The following RIMBP2 variants were observed in gnomAD, a reference collection of about 807,000 sequenced individuals.
RIMBP2 encodes RIMS-binding protein 2.
Under a neutral mutation model 118.6 loss-of-function variants are expected in RIMBP2, and 48 were observed. The observed-to-expected ratio is 0.40, with a 90% confidence interval of 0.32 to 0.51. The LOEUF (loss-of-function observed/expected upper bound fraction) is 0.51, where lower values mean the gene tolerates loss of function less well. Ranked by LOEUF, RIMBP2 falls within the 20% of genes least tolerant of loss-of-function variation. The probability of loss-of-function intolerance (pLI) is 0.41; values close to 1 mark genes in which losing one functional copy is unlikely to be tolerated. For missense variants in RIMBP2, 1,551 were observed against 1,768.3 expected (o/e 0.88, Z 2.20); for synonymous variants, 762 against 742.9 (o/e 1.03, Z -0.42).
chr12:130,522,757 G>A (rs534718115), intron 2 of RIMBP2, among the ~76,000 whole-genome samples: 3 of 152,190 alleles, frequency 2.0e-5, no homozygotes, highest in South Asian at 2.1e-4. Flanking sequence ...CACAGTGCCT[G>A]AGGCTGTCTC....
chr12:130,478,882 G>A (rs556146836), intron 5 of RIMBP2, 30 bp downstream of exon 5: 21 of 1,559,482 alleles, frequency 1.3e-5, no homozygotes, highest in East Asian at 1.1e-4. Context: ...TCCCTGCCTC[G>A]CACGCCGCGC....
Position 130,456,611 on chromosome 12 carries a change from G to T in RIMBP2, c.243C>A (p.His81Gln). Residue 81 changes from histidine (H) to glutamine (Q), a missense_variant, in exon 7 of 23, where the codon CAC becomes CAA. Coordinates refer to ENST00000690449, the MANE Select transcript of RIMBP2 (RefSeq NM_001393629.1). ...CACCCAGCAGGTCAATCTTGCCAGC[G>T]TGCTGCCGGAACTTCTCCAGGTCCC... is the stretch of plus-strand genomic sequence containing the variant. ...LSRDLEKFRQHAGKIDLLGGS... is the reference protein window; with the variant it reads ...LSRDLEKFRQQAGKIDLLGGS... 2 of 1,613,700 alleles carry T rather than the reference G, an allele frequency of 1.2e-6. No homozygotes were observed. Among genetic ancestry groups the T allele is most frequent in the East Asian group, 2.2e-5 (1 of 44,878 alleles).
chr12:130,665,023 G>A (rs994585392), intron 1 of RIMBP2, among the ~76,000 whole-genome samples: 7 of 151,658 alleles, frequency 4.6e-5, no homozygotes, highest in East Asian at 1.9e-4. Context: ...GCTGGAGTCC[G>A]ACGAGGAACC....
At chr12:130,479,625 G>A (rs945880120) in intron 4 of RIMBP2, among the ~76,000 whole-genome samples, 3 of 133,290 alleles carry the variant, frequency 2.3e-5, no homozygotes, top group African/African-American at 7.5e-5. Flanking sequence ...GGCCGAGTCC[G>A]CACCCTCCCG....
At chr12:130,524,732 C>T (rs1161359306) in intron 2 of RIMBP2, among the ~76,000 whole-genome samples, 1 of 152,166 alleles carries the variant, frequency 6.6e-6, no homozygotes, top group African/African-American at 2.4e-5. Flanking sequence ...AATTTGCACT[C>T]ATTTAGGGGA....
At chr12:130,653,444 G>A (rs2063306923) in intron 1 of RIMBP2, among the ~76,000 whole-genome samples, 1 of 152,264 alleles carries the variant, frequency 6.6e-6, no homozygotes, top group African/African-American at 2.4e-5. Context: ...TGGCTTTGCA[G>A]GGTGCAGCTC....
At chr12:130,438,334 A>ATCCGGGGGGGGGCCCCCCCCCCC in intron 12 of RIMBP2, 31 bp downstream of exon 12, 2 of 1,344,518 alleles carry the variant, frequency 1.5e-6, no homozygotes, top group Non-Finnish European at 2.1e-6. Flanking sequence ...GGGCCTAACA[A>ATCCGGGGGGGGGCCCCCCCCCCC]ACCCTCCCCA....
At chr12:130,409,619 A>T (rs2032279510) in intron 19 of RIMBP2, among the ~76,000 whole-genome samples, 1 of 152,104 alleles carries the variant, frequency 6.6e-6, no homozygotes. Flanking sequence ...CTGGGATTAC[A>T]GGCGTGAGCC....
intron 2 of RIMBP2, among the ~76,000 whole-genome samples, chr12:130,556,194 A>G (rs891168715): frequency 2.0e-5 from 3 of 152,088 alleles, no homozygotes; most frequent in African/African-American, 7.2e-5. Context: ...CAGCAGGCCC[A>G]CCCTGGCAAC....
intron 1 of RIMBP2, among the ~76,000 whole-genome samples, chr12:130,649,102 C>T (rs954655675): frequency 1.4e-5 from 2 of 145,824 alleles, no homozygotes; most frequent in Non-Finnish European, 3.1e-5. Flanking sequence ...TCGTGGCGGC[C>T]GATAGGCTCA....
At chr12:130,699,171 A>G (rs911857535) in intron 1 of RIMBP2, among the ~76,000 whole-genome samples, 10 of 152,186 alleles carry the variant, frequency 6.6e-5, no homozygotes, top group Admixed American at 1.3e-4. Context: ...TCAGTGTGGC[A>G]ATTCCTCAGG....
At chr12:130,516,455 A>T (rs1409362313) in intron 3 of RIMBP2, among the ~76,000 whole-genome samples, 3 of 152,240 alleles carry the variant, frequency 2.0e-5, no homozygotes, top group African/African-American at 7.2e-5. Flanking sequence ...AGACAAACAC[A>T]TAAGTGAAGA....
Position 130,618,741 on chromosome 12 carries a change from ATAATCT to A in RIMBP2, c.-217+9575_-217+9580del, listed in dbSNP as rs1047029067. 2.0e-5 allele frequency among the ~76,000 whole-genome samples: 3 copies of A among 152,328 alleles called. No homozygotes were observed. In the South Asian group the frequency reaches 6.2e-4, roughly 32 times the overall value. ...ACATCTTTATAGCTCTGTAATGTAA[ATAATCT>A]TAAAGTCAAAATTTCAACAACATAA... On this transcript the variant is annotated intron_variant, in intron 2 of 22. Transcript: ENST00000690449.
chr12:130,424,534 C>T lies in RIMBP2; in HGVS notation c.2737G>A (p.Ala913Thr). The change falls in exon 16 of 23, where the codon GCC becomes ACC. Residue 913 changes from alanine to threonine, a missense_variant. Coordinates refer to ENST00000690449, the MANE Select transcript of RIMBP2 (RefSeq NM_001393629.1). This position sits in a 1 kb window ranked among gnomAD's most constrained non-coding sequence, Gnocchi z 9.8. ...EDRGCRFSRS[A>T]TRSPDSGLDC... ...AGGCCGCTGTCCGGGCTCCGGGTGG[C>T]CGAGCGGCTGAACCGACAGCCCCTG... is the stretch of plus-strand genomic sequence containing the variant. 8.1e-7 allele frequency: 1 copy of T among 1,231,990 alleles called. No homozygotes were observed. Among genetic ancestry groups the T allele is most frequent in the Non-Finnish European group, 1.0e-6 (1 of 987,832 alleles). The allele number at this position is 1,231,990 out of a possible 1,614,324, so 76.3% of individuals were successfully genotyped here.
intron 2 of RIMBP2, among the ~76,000 whole-genome samples, chr12:130,527,833 T>C (rs1432106636): frequency 1.3e-5 from 2 of 150,958 alleles, no homozygotes; most frequent in Non-Finnish European, 1.5e-5. Flanking sequence ...AACAAACATA[T>C]GCAAAAAAGC....
At chr12:130,612,134 G>A (rs2060595154) in intron 2 of RIMBP2, among the ~76,000 whole-genome samples, 1 of 151,928 alleles carries the variant, frequency 6.6e-6, no homozygotes, top group Non-Finnish European at 1.5e-5. Context: ...GTCACGCAAG[G>A]TCACCTCTCT....
At position 130,703,798 on chromosome 12, in the gene RIMBP2, T is replaced by A. The variant is rs115293721; in HGVS notation, c.-352+12424A>T. Among the ~76,000 whole-genome samples, 708 of 151,318 alleles carry A rather than the reference T, an allele frequency of 4.7e-3. 7 individuals carry two copies. The highest frequency in any genetic ancestry group is 0.017 in the African/African-American group (677 of 40,926). ...GAAGAAAGGAAAACAGCACCCACAATTGAACAGCTTAGGAAATACAGAGAG... is the reference window on the plus strand; with the variant it reads ...GAAGAAAGGAAAACAGCACCCACAAATGAACAGCTTAGGAAATACAGAGAG... On this transcript the variant is annotated intron_variant, in intron 1 of 22. Coordinates refer to ENST00000690449, the MANE Select transcript of RIMBP2 (RefSeq NM_001393629.1). This position sits in a 1 kb window ranked among gnomAD's most constrained non-coding sequence, Gnocchi z 5.7.
intron 2 of RIMBP2, among the ~76,000 whole-genome samples, chr12:130,606,917 C>T (rs141971540): frequency 0.015 from 2,294 of 152,292 alleles, 60 homozygotes; most frequent in African/African-American, 0.053. Context: ...CTGCAACCTC[C>T]GCCTCCCGGG....
chr12:130,698,027 G>A (rs539346746), intron 1 of RIMBP2, among the ~76,000 whole-genome samples: 5 of 152,288 alleles, frequency 3.3e-5, no homozygotes, highest in Admixed American at 6.5e-5. Flanking sequence ...GGTCACGGGC[G>A]TGGAGAGGGA....
Sources: gnomAD v4.1 joint callset for allele counts (sites outside exome capture counted in the v4.1 genomes callset) on GRCh38, gnomAD v4.1.1 for gene constraint, Gnocchi (gnomAD v3.1) non-coding constraint, MANE v1.5 for transcripts, NCBI Gene and HGNC (gene_info 2026-07-23, HGNC 2026-07-21) for gene names.